Variants in STXBP5L observed in about 807,000 individuals in gnomAD.
STXBP5L encodes the protein syntaxin binding protein 5L.
Under a neutral mutation model 144.5 loss-of-function variants are expected in STXBP5L, and 65 were observed. The ratio of observed to expected loss-of-function variants is 0.45; its 90% confidence interval spans 0.37 to 0.55. The LOEUF is 0.55. Ranked by LOEUF, STXBP5L falls within the 20% of genes least tolerant of loss-of-function variation. The pLI is 0.00. For missense variants in STXBP5L, 1,298 were observed against 1,405.5 expected (o/e 0.92, Z 1.22); for synonymous variants, 505 against 469.6 (o/e 1.08, Z -0.97).
At chr3:121,018,620 T>C (rs561505605) in intron 3 of STXBP5L, among the ~76,000 whole-genome samples, 1 of 150,670 alleles carries the variant, frequency 6.6e-6, no homozygotes, top group Middle Eastern at 3.5e-3. Context: ...AAACACAAAA[T>C]TATAAAACTC....
intron 3 of STXBP5L, among the ~76,000 whole-genome samples, chr3:121,016,479 G>T (rs1394770874): frequency 6.6e-6 from 1 of 152,162 alleles, no homozygotes; most frequent in Admixed American, 6.5e-5. Flanking sequence ...TTTGATGTAC[G>T]TATCTATAGA....
At chr3:121,354,651 T>C (rs1185826751) in intron 20 of STXBP5L, among the ~76,000 whole-genome samples, 3 of 152,028 alleles carry the variant, frequency 2.0e-5, no homozygotes, top group African/African-American at 7.2e-5. Context: ...TTATCCAATT[T>C]GCCAGTCTGT....
At chr3:121,220,296 A>G (rs1310152831) in intron 10 of STXBP5L, among the ~76,000 whole-genome samples, 1 of 152,116 alleles carries the variant, frequency 6.6e-6, no homozygotes, top group Non-Finnish European at 1.5e-5. Context: ...TTATGTATCC[A>G]TAATTTGTTA....
intron 2 of STXBP5L, 106 bp downstream of exon 2, chr3:120,909,873 A>T: frequency 8.4e-7 from 1 of 1,197,502 alleles, no homozygotes; most frequent in Admixed American, 3.1e-5. Context: ...AGATGTCAGC[A>T]TCAGAGTCTG....
intron 5 of STXBP5L, among the ~76,000 whole-genome samples, chr3:121,092,237 C>T (rs189740206): frequency 0.095 from 14,256 of 150,702 alleles, 1,077 homozygotes; most frequent in Admixed American, 0.19. Flanking sequence ...TGGCTTAGGA[C>T]TGACTTGGCA....
chr3:121,103,737 A>C (rs1368002489), intron 5 of STXBP5L, among the ~76,000 whole-genome samples: 4 of 152,198 alleles, frequency 2.6e-5, no homozygotes, highest in Non-Finnish European at 4.4e-5. Flanking sequence ...TACATATGAC[A>C]TAAAATGCTT....
chr3:121,283,807 G>A (rs1284684107), intron 19 of STXBP5L, among the ~76,000 whole-genome samples: 2 of 151,718 alleles, frequency 1.3e-5, no homozygotes, highest in Non-Finnish European at 2.9e-5. Context: ...TCTGTAAATA[G>A]TCTCAGGGTA....
chr3:121,122,430 G>T (rs1197812969), intron 7 of STXBP5L, among the ~76,000 whole-genome samples: 1 of 151,032 alleles, frequency 6.6e-6, no homozygotes, highest in African/African-American at 2.4e-5. Context: ...GAATTCAAAA[G>T]GTGATTTTAA....
At chr3:121,360,922 T>C (rs958754717) in intron 20 of STXBP5L, among the ~76,000 whole-genome samples, 2 of 152,176 alleles carry the variant, frequency 1.3e-5, no homozygotes, top group Non-Finnish European at 2.9e-5. Flanking sequence ...TGCTCATTAA[T>C]GTCCTTTTCT....
chr3:121,021,380 A>G (rs907302459), intron 3 of STXBP5L, among the ~76,000 whole-genome samples: 5 of 152,166 alleles, frequency 3.3e-5, no homozygotes, highest in African/African-American at 1.2e-4. Context: ...GTGAACAAAG[A>G]AACAATGGAC....
intron 5 of STXBP5L, among the ~76,000 whole-genome samples, chr3:121,114,429 TGAC>T (rs2044143211): frequency 6.6e-6 from 1 of 152,218 alleles, no homozygotes; most frequent in Non-Finnish European, 1.5e-5. Flanking sequence ...GAAGCAAATA[TGAC>T]CTTTATGTAT....
At chr3:121,024,325 C>T (rs1006075487) in intron 3 of STXBP5L, among the ~76,000 whole-genome samples, 1 of 152,150 alleles carries the variant, frequency 6.6e-6, no homozygotes, top group Non-Finnish European at 1.5e-5. Context: ...TGCTTTGCCT[C>T]ATATGCCATT....
At position 121,317,365 on chromosome 3, in the gene STXBP5L, C is replaced by T. The variant is rs529477826; in HGVS notation, c.2111-1110C>T. Among the ~76,000 whole-genome samples, 130 of 152,264 alleles carry T rather than the reference C, an allele frequency of 8.5e-4. No homozygotes were observed. In the Middle Eastern group the frequency reaches 0.014, roughly 16 times the overall value. ...TACTTCTCTGACTTTGAATAAATAGCTTAAACTCTTTGAAGTTATAGTTTC... is the reference window on the plus strand; with the variant it reads ...TACTTCTCTGACTTTGAATAAATAGTTTAAACTCTTTGAAGTTATAGTTTC... On this transcript the variant is annotated intron_variant, in intron 19 of 26. Transcript: ENST00000471454.
At chr3:121,359,645 A>G (rs1021314099) in intron 20 of STXBP5L, among the ~76,000 whole-genome samples, 10 of 151,942 alleles carry the variant, frequency 6.6e-5, no homozygotes, top group African/African-American at 1.7e-4. Context: ...GTAGAGGTCT[A>G]TTTTCATTGT....
At chr3:121,270,807 A>G (rs923973832) in intron 18 of STXBP5L, among the ~76,000 whole-genome samples, 6 of 152,062 alleles carry the variant, frequency 3.9e-5, no homozygotes, top group African/African-American at 1.4e-4. Context: ...TATATTGTTA[A>G]CTGTACCTCA....
intron 19 of STXBP5L, among the ~76,000 whole-genome samples, chr3:121,299,142 A>G (rs2051785185): frequency 6.6e-6 from 1 of 152,188 alleles, no homozygotes; most frequent in Non-Finnish European, 1.5e-5. Flanking sequence ...TGAGGTATTA[A>G]GTAGACAAAA....
chr3:121,378,998 A>G lies in STXBP5L; in HGVS notation c.2347+112A>G, dbSNP rs114894276. 2.2e-3 allele frequency: 2,456 copies of G among 1,113,380 alleles called. 4 individuals carry two copies. The highest frequency in any genetic ancestry group is 3.0e-3 in the Non-Finnish European group (2,361 of 798,130). The allele number at this position is 1,113,380 out of a possible 1,614,324, so 69.0% of individuals were successfully genotyped here. ...ATATGAAAGATGTTAAAAAACTACT[A>G]ATCAGTGAATACCTGAGAGCCTGAT... On this transcript the variant is annotated intron_variant, in intron 21 of 26. Transcript: ENST00000471454.
chr3:120,948,655 T>C (rs1711004378), intron 2 of STXBP5L, among the ~76,000 whole-genome samples: 1 of 151,988 alleles, frequency 6.6e-6, no homozygotes, highest in Non-Finnish European at 1.5e-5. Flanking sequence ...ACATGTAATA[T>C]TTGGTTTTTC....
chr3:121,018,575 A>C (rs1251355892), intron 3 of STXBP5L, among the ~76,000 whole-genome samples: 1 of 152,062 alleles, frequency 6.6e-6, no homozygotes, highest in East Asian at 1.9e-4. Context: ...TCTTTCACAA[A>C]AATCAACCCA....
Sources: allele counts gnomAD v4.1 joint callset (sites outside exome capture counted in the v4.1 genomes callset), GRCh38; gene constraint gnomAD v4.1.1; transcripts MANE v1.5; gene names NCBI Gene and HGNC (gene_info 2026-07-23, HGNC 2026-07-21).